FHIT: variants seen among roughly 807,000 people sequenced by gnomAD.
FHIT encodes fragile histidine triad diadenosine triphosphatase.
A neutral mutation model predicts 17.9 loss-of-function variants in FHIT; 19 were observed. The observed-to-expected ratio is 1.06, with a 90% confidence interval of 0.74 to 1.56. The LOEUF is 1.56. Among genes scored for constraint, FHIT ranks in the 40% most tolerant of loss-of-function variants. The pLI, the probability that FHIT is intolerant of heterozygous loss-of-function variation, is 0.00. For synonymous variants in FHIT, 81 were observed against 69.7 expected (o/e 1.16, Z -0.81); for missense variants, 248 against 189.2 (o/e 1.31, Z -1.82).
At chr3:61,114,313 A>C (rs569312165) in intron 2 of FHIT, among the ~76,000 whole-genome samples, 1 of 152,278 alleles carries the variant, frequency 6.6e-6, no homozygotes, top group African/African-American at 2.4e-5. Flanking sequence ...TGCATCCCTG[A>C]GCTGTTGTCT....
chr3:59,930,003 G>A (rs1253524079), intron 7 of FHIT, among the ~76,000 whole-genome samples: 2 of 152,136 alleles, frequency 1.3e-5, no homozygotes, highest in Non-Finnish European at 2.9e-5. Context: ...AATATAGGAT[G>A]TGTGATCAAG....
chr3:60,444,078 A>T lies in FHIT; in HGVS notation c.103+92782T>A, dbSNP rs1397449439. Reference sequence around the variant, plus strand: ...AAAAGAAGACATTTATGCAGCCAAAAGACACATGAAAAAAATGCTTATCAT... The same window carrying T: ...AAAAGAAGACATTTATGCAGCCAAATGACACATGAAAAAAATGCTTATCAT... On this transcript the variant is annotated intron_variant, in intron 5 of 9. Coordinates refer to ENST00000492590, the MANE Select transcript of FHIT (RefSeq NM_002012.4). 5.3e-5 allele frequency among the ~76,000 whole-genome samples: 8 copies of T among 152,208 alleles called. No homozygotes were observed. The East Asian group carries it at 1.5e-3, about 29-fold the overall frequency.
intron 1 of FHIT, among the ~76,000 whole-genome samples, chr3:61,207,812 A>C (rs1397119104): frequency 6.6e-6 from 1 of 151,832 alleles, no homozygotes; most frequent in African/African-American, 2.4e-5. Context: ...TTGTGTCTCT[A>C]TTTCCTTCAG....
At chr3:60,037,643 A>G (rs1367030432) in intron 5 of FHIT, among the ~76,000 whole-genome samples, 1 of 151,958 alleles carries the variant, frequency 6.6e-6, no homozygotes, top group African/African-American at 2.4e-5. Context: ...TGGCCTCTCA[A>G]AGTGCTGGGA....
intron 5 of FHIT, among the ~76,000 whole-genome samples, chr3:60,072,425 A>AGTCAACAACAACAAAACATC (rs370644488): frequency 6.6e-6 from 1 of 152,072 alleles, no homozygotes; most frequent in African/African-American, 2.4e-5. Context: ...AAACCAACCA[A>AGTCAACAACAACAAAACATC]GTCAACAACA....
intron 5 of FHIT, among the ~76,000 whole-genome samples, chr3:60,252,407 T>C (rs896673967): frequency 6.6e-6 from 1 of 151,514 alleles, no homozygotes; most frequent in Non-Finnish European, 1.5e-5. Context: ...TTTAAAAAAT[T>C]TAAAAAATTA....
rs771280454 is a variant in FHIT, at chr3:60,028,723, T to C, written c.104-14571A>G. 1.7e-4 allele frequency among the ~76,000 whole-genome samples: 26 copies of C among 152,308 alleles called. 1 individual carries two copies. Among genetic ancestry groups the C allele is most frequent in the Middle Eastern group, 6.8e-3 (2 of 294 alleles). On this transcript the variant is annotated intron_variant, in intron 5 of 9. Transcript: ENST00000492590. The stretch of plus-strand genomic sequence containing the variant: ...AAATAACTGACTTTGGGAATGCCAA[T>C]TGCGCTGATGTTCAGGAGATTCTAG...
intron 5 of FHIT, among the ~76,000 whole-genome samples, chr3:60,429,306 C>A (rs1434136305): frequency 6.6e-6 from 1 of 151,906 alleles, no homozygotes; most frequent in African/African-American, 2.4e-5. Flanking sequence ...AAAAAAAAGT[C>A]CTAGAAATGG....
chr3:60,664,801 G>T (rs1392912412), intron 4 of FHIT, among the ~76,000 whole-genome samples: 1 of 149,218 alleles, frequency 6.7e-6, no homozygotes, highest in Non-Finnish European at 1.5e-5. Context: ...TTGTGTTTTA[G>T]TGACCACAGG....
At chr3:60,410,422 T>A (rs988139389) in intron 5 of FHIT, among the ~76,000 whole-genome samples, 1 of 152,224 alleles carries the variant, frequency 6.6e-6, no homozygotes. Flanking sequence ...GTTAATTTCA[T>A]TCCCATCAAG....
At chr3:60,074,237 T>G (rs909690808) in intron 5 of FHIT, among the ~76,000 whole-genome samples, 11 of 152,046 alleles carry the variant, frequency 7.2e-5, no homozygotes, top group African/African-American at 2.7e-4. Context: ...TTGGTACACA[T>G]GAGTTTTATG....
intron 4 of FHIT, among the ~76,000 whole-genome samples, chr3:60,765,925 C>A (rs1402595553): frequency 6.6e-6 from 1 of 152,156 alleles, no homozygotes; most frequent in Non-Finnish European, 1.5e-5. Context: ...ACATCAGATT[C>A]CAGGTTCTTC....
intron 5 of FHIT, among the ~76,000 whole-genome samples, chr3:60,205,132 G>A (rs982746841): frequency 1.3e-5 from 2 of 151,600 alleles, no homozygotes; most frequent in Non-Finnish European, 2.9e-5. Flanking sequence ...TTTGTACAGT[G>A]ATAAGACAAA....
chr3:60,968,810 C>CT (rs762098329), intron 3 of FHIT, among the ~76,000 whole-genome samples: 2 of 152,070 alleles, frequency 1.3e-5, no homozygotes, highest in Non-Finnish European at 2.9e-5. Flanking sequence ...TCAATTTTTT[C>CT]CCCTTATCTA....
At chr3:59,992,369 C>T (rs748216763) in intron 7 of FHIT, among the ~76,000 whole-genome samples, 2 of 151,916 alleles carry the variant, frequency 1.3e-5, no homozygotes, top group South Asian at 2.1e-4. Flanking sequence ...TATAGATGCC[C>T]GTTTTAATTT....
chr3:60,863,249 A>G (rs1440351381), intron 3 of FHIT, among the ~76,000 whole-genome samples: 1 of 152,214 alleles, frequency 6.6e-6, no homozygotes, highest in Non-Finnish European at 1.5e-5. Context: ...TAGGGACTTC[A>G]GTCCTACAAC....
intron 7 of FHIT, among the ~76,000 whole-genome samples, chr3:59,941,567 T>G (rs1002479942): frequency 1.3e-5 from 2 of 152,058 alleles, no homozygotes; most frequent in African/African-American, 4.8e-5. Flanking sequence ...ATAACCAGAG[T>G]TGGGATGTTT....
At chr3:59,967,786 G>T (rs921550854) in intron 7 of FHIT, among the ~76,000 whole-genome samples, 2 of 151,872 alleles carry the variant, frequency 1.3e-5, no homozygotes, top group Non-Finnish European at 1.5e-5. Context: ...CTGCTTTAGG[G>T]GAGGATGGAG....
intron 3 of FHIT, among the ~76,000 whole-genome samples, chr3:60,914,046 G>A (rs1706876023): frequency 6.6e-6 from 1 of 152,206 alleles, no homozygotes; most frequent in Non-Finnish European, 1.5e-5. Flanking sequence ...GGGAGAAGAG[G>A]TCTGCACAGA....
Sources: gnomAD v4.1 joint callset for allele counts (sites outside exome capture counted in the v4.1 genomes callset) on GRCh38, gnomAD v4.1.1 for gene constraint, MANE v1.5 for transcripts, NCBI Gene and HGNC (gene_info 2026-07-23, HGNC 2026-07-21) for gene names.